SLC16A7: variants seen among roughly 807,000 people sequenced by gnomAD.
SLC16A7 encodes the protein solute carrier family 16 member 7, also known as monocarboxylate transporter 2.
Under a neutral mutation model 34.9 loss-of-function variants are expected in SLC16A7, and 33 were observed. The observed-to-expected ratio is 0.94, with a 90% CI of 0.72 to 1.26. The LOEUF is 1.26. Ranked by LOEUF, SLC16A7 falls within the 50% of genes most tolerant of loss-of-function variation. The pLI, the probability that SLC16A7 is intolerant of heterozygous loss-of-function variation, is 0.00. For synonymous variants in SLC16A7, 201 were observed against 206.6 expected (o/e 0.97, Z 0.23); for missense variants, 573 against 578.1 (o/e 0.99, Z 0.09).
chr12:59,617,306 G>T (rs1375375322), intron 1 of SLC16A7, among the ~76,000 whole-genome samples: 3 of 151,754 alleles, frequency 2.0e-5, no homozygotes, highest in Non-Finnish European at 2.9e-5. Context: ...ACTTGATATT[G>T]GACAGGCACT....
At chr12:59,770,035 A>G (rs12227214) in intron 3 of SLC16A7, among the ~76,000 whole-genome samples, 40,317 of 151,910 alleles carry the variant, frequency 0.27, 5,431 homozygotes, top group East Asian at 0.31. Flanking sequence ...CTGTTATTTT[A>G]TAGTACACCA....
intron 1 of SLC16A7, among the ~76,000 whole-genome samples, chr12:59,633,833 A>G (rs763298324): frequency 6.6e-6 from 1 of 151,910 alleles, no homozygotes; most frequent in Non-Finnish European, 1.5e-5. Context: ...CTATCACGAG[A>G]ATGGCATGGG....
At chr12:59,751,558 C>T (rs1879564636) in intron 3 of SLC16A7, among the ~76,000 whole-genome samples, 1 of 152,204 alleles carries the variant, frequency 6.6e-6, no homozygotes. Flanking sequence ...GGGAGGTGCG[C>T]CCGCCATTGC....
intron 5 of SLC16A7, among the ~76,000 whole-genome samples, chr12:59,776,119 G>GTGTC (rs1203269761): frequency 1.3e-5 from 2 of 152,080 alleles, no homozygotes; most frequent in African/African-American, 2.4e-5. Flanking sequence ...GCCAATAAAA[G>GTGTC]TGTCTGTGCT....
chr12:59,601,878 T>C (rs1318453099), intron 1 of SLC16A7, among the ~76,000 whole-genome samples: 2 of 152,164 alleles, frequency 1.3e-5, no homozygotes, highest in African/African-American at 2.4e-5. Context: ...ACTCCCAAAG[T>C]CCCCATGTCT....
At chr12:59,609,959 C>G (rs1365149660) in intron 1 of SLC16A7, among the ~76,000 whole-genome samples, 1 of 152,170 alleles carries the variant, frequency 6.6e-6, no homozygotes, top group Non-Finnish European at 1.5e-5. Context: ...ACAGCATCAC[C>G]TCATGCAATC....
In SLC16A7 at chr12:59,661,053, A is replaced by G. The variant is rs1211424764; in HGVS notation, c.-31+5803A>G. On this transcript the variant is annotated intron_variant, in intron 2 of 5. Coordinates refer to ENST00000547379, the MANE Select transcript of SLC16A7 (RefSeq NM_001270623.2). ...ATACCCGATCATATTACATTTTATA[A>G]CATATTCTCTGTTATTCCTATGTGG... Among the ~76,000 whole-genome samples the G allele has an allele frequency of 2.6e-5, 4 of 152,102 alleles. No homozygotes were observed. In the East Asian group the frequency reaches 7.7e-4, roughly 29 times the overall value.
chr12:59,626,818 A>G (rs1879949270), intron 1 of SLC16A7, among the ~76,000 whole-genome samples: 1 of 151,832 alleles, frequency 6.6e-6, no homozygotes, highest in Non-Finnish European at 1.5e-5. Context: ...TGGTAAAAAC[A>G]TATAGATTGT....
chr12:59,762,039 G>A (rs1053584399), intron 3 of SLC16A7, among the ~76,000 whole-genome samples: 1 of 152,008 alleles, frequency 6.6e-6, no homozygotes, highest in African/African-American at 2.4e-5. Context: ...AGGCTACCAC[G>A]ATATACAATG....
At chr12:59,653,217 T>C (rs919131978) in intron 1 of SLC16A7, among the ~76,000 whole-genome samples, 3 of 151,762 alleles carry the variant, frequency 2.0e-5, no homozygotes, top group African/African-American at 4.8e-5. Flanking sequence ...ACCAGGGAAT[T>C]TCTAAAGTCA....
At chr12:59,635,145 A>G (rs1480215348) in intron 1 of SLC16A7, among the ~76,000 whole-genome samples, 2 of 152,036 alleles carry the variant, frequency 1.3e-5, no homozygotes, top group African/African-American at 4.8e-5. Flanking sequence ...GCTTATACTA[A>G]AGGTGTTACA....
chr12:59,634,324 G>GA lies in SLC16A7; in HGVS notation c.-129-20820dup, dbSNP rs528060686. On this transcript the variant is annotated intron_variant, in intron 1 of 5. Coordinates refer to ENST00000547379, the MANE Select transcript of SLC16A7 (RefSeq NM_001270623.2). ...TTTAAATGTTGTTTATTTTGTTAAA[G>GA]AAAAAAAATTATTCAATATTACTTG... is the stretch of plus-strand genomic sequence containing the variant. 1.0e-2 allele frequency among the ~76,000 whole-genome samples: 1,519 copies of GA among 151,930 alleles called. 15 individuals carry two copies. Among genetic ancestry groups the GA allele is most frequent in the Non-Finnish European group, 0.014 (939 of 67,896 alleles).
At chr12:59,740,806 A>G (rs1220279746) in intron 3 of SLC16A7, among the ~76,000 whole-genome samples, 1 of 152,154 alleles carries the variant, frequency 6.6e-6, no homozygotes, top group Non-Finnish European at 1.5e-5. Flanking sequence ...GTATATCTAG[A>G]AAACCCCAAT....
chr12:59,717,785 A>C (rs532756412), intron 3 of SLC16A7, among the ~76,000 whole-genome samples: 1 of 152,334 alleles, frequency 6.6e-6, no homozygotes, highest in East Asian at 1.9e-4. Flanking sequence ...TTCATATTTT[A>C]AGTTTATATT....
In SLC16A7 at chr12:59,785,987, A is replaced by C. The variant is rs371213649; in HGVS notation, c.*6308A>C. ...ACTCATAGGTGGGAACTGAACAATG[A>C]GAACACATGGACACAGGAAGGGGAA... On this transcript the variant is annotated 3_prime_UTR_variant, in exon 6 of 6. Transcript: ENST00000547379. 87 of 143,216 alleles carry C rather than the reference A, an allele frequency of 6.1e-4. No homozygotes were observed. The highest frequency in any genetic ancestry group is 2.2e-3 in the African/African-American group (84 of 38,882). The allele number at this position is 143,216 out of a possible 1,614,324, so 8.9% of individuals were successfully genotyped here.
At chr12:59,757,735 C>T (rs1181344085) in intron 3 of SLC16A7, among the ~76,000 whole-genome samples, 2 of 152,084 alleles carry the variant, frequency 1.3e-5, no homozygotes, top group Non-Finnish European at 2.9e-5. Flanking sequence ...CCAACTTCTC[C>T]TCTTCCTCCT....
At chr12:59,610,151 A>G (rs111640585) in intron 1 of SLC16A7, among the ~76,000 whole-genome samples, 3,963 of 152,248 alleles carry the variant, frequency 0.026, 128 homozygotes, top group African/African-American at 0.075. Context: ...CAATTTATAG[A>G]AGAGAGAAAT....
At chr12:59,721,320 C>T (rs1050854647) in intron 3 of SLC16A7, among the ~76,000 whole-genome samples, 17 of 152,042 alleles carry the variant, frequency 1.1e-4, no homozygotes, top group African/African-American at 3.9e-4. Flanking sequence ...CTGTTTACAT[C>T]CAGATCTGAC....
chr12:59,772,737 GA>G (rs1346940479), intron 4 of SLC16A7, among the ~76,000 whole-genome samples: 1 of 151,996 alleles, frequency 6.6e-6, no homozygotes, highest in Admixed American at 6.6e-5. Flanking sequence ...GGAGTTATTA[GA>G]AAAATGTAAA....
Sources: gnomAD v4.1 joint callset for allele counts (sites outside exome capture counted in the v4.1 genomes callset) on GRCh38, gnomAD v4.1.1 for gene constraint, MANE v1.5 for transcripts, NCBI Gene and HGNC (gene_info 2026-07-23, HGNC 2026-07-21) for gene names.